CTTNBP2: variants seen among roughly 807,000 people sequenced by gnomAD.
CTTNBP2 encodes the protein cortactin binding protein 2.
CTTNBP2 carries 108 observed loss-of-function variants against 156.9 expected under a neutral mutation model. That is an observed-to-expected ratio of 0.69 (90% CI 0.59 to 0.81). The LOEUF is 0.81. Among genes scored for constraint, CTTNBP2 ranks in the 30% least tolerant of loss-of-function variants. CTTNBP2 has a pLI of 0.00. For synonymous variants in CTTNBP2, 767 were observed against 751.8 expected (o/e 1.02, Z -0.33); for missense variants, 1,924 against 2,035.4 (o/e 0.95, Z 1.05).
In CTTNBP2 at chr7:117,812,589, T is replaced by C. The variant is rs149787440; in HGVS notation, c.190-1600A>G. Among the ~76,000 whole-genome samples the C allele has an allele frequency of 9.2e-3, 1,399 of 152,270 alleles. 8 individuals carry two copies. The highest frequency in any genetic ancestry group is 0.015 in the Non-Finnish European group (1,009 of 68,020). ...GTTTCACAATTAAATTTAAGCTAGC[T>C]TTCAGAAGACCACTTTAAACTTAAA... On this transcript the variant is annotated intron_variant, in intron 2 of 22. Transcript: ENST00000160373.
At chr7:117,754,145 C>T (rs1027892431) in intron 12 of CTTNBP2, among the ~76,000 whole-genome samples, 1 of 152,178 alleles carries the variant, frequency 6.6e-6, no homozygotes, top group Non-Finnish European at 1.5e-5. Flanking sequence ...CACTGTCAAC[C>T]TAGACACATT....
intron 22 of CTTNBP2, among the ~76,000 whole-genome samples, chr7:117,712,781 A>AGAT: frequency 6.6e-6 from 1 of 152,248 alleles, no homozygotes; most frequent in Middle Eastern, 3.4e-3. Flanking sequence ...CTATTACCAG[A>AGAT]GATTCATATT....
intron 14 of CTTNBP2, among the ~76,000 whole-genome samples, chr7:117,736,593 G>A (rs1384171447): frequency 1.3e-5 from 2 of 152,130 alleles, no homozygotes; most frequent in Admixed American, 6.5e-5. Flanking sequence ...TTTCCCATTC[G>A]TTTCACTCAG....
rs930955059 is a variant in CTTNBP2, at chr7:117,861,132, A to T, written c.189+77T>A. The T allele has an allele frequency of 8.5e-6, 7 of 821,988 alleles. No individual in the cohort carries two copies. The Admixed American group carries it at 1.3e-4, about 16-fold the overall frequency. 50.9% of individuals were successfully genotyped at this position (821,988 alleles called of 1,614,324 possible). A position where few individuals can be genotyped will look rare whatever the true frequency, so the allele number is the denominator to read the frequency against. ...AAATCTATTTGATTCAAAAATTAAG[A>T]AAAAGAAGGTTTGCCAATGGCTCTT... On this transcript the variant is annotated intron_variant, in intron 2 of 22. Transcript: ENST00000160373.
chr7:117,864,804 C>CATATATATTCATTCTATATTT (rs1804043289), intron 1 of CTTNBP2, among the ~76,000 whole-genome samples: 1 of 130,066 alleles, frequency 7.7e-6, no homozygotes, highest in African/African-American at 2.9e-5. Context: ...ATTCTATATT[C>CATATATATTCATTCTATATTT]ATATATATTC....
rs1794036008 is a variant in CTTNBP2, at chr7:117,711,273, A to G, written c.*264T>C. The G allele has an allele frequency of 8.2e-6, 3 of 367,886 alleles. No homozygotes were observed. Among genetic ancestry groups the G allele is most frequent in the Admixed American group, 9.0e-5 (2 of 22,138 alleles). 22.8% of individuals were successfully genotyped at this position (367,886 alleles called of 1,614,324 possible). A position where few individuals can be genotyped will look rare whatever the true frequency, so the allele number is the denominator to read the frequency against. ...ACCCCTGAACATCTTGATTAAAACT[A>G]TTACAATTTTTCTATTATAAAACTA... On this transcript the variant is annotated 3_prime_UTR_variant, in exon 23 of 23. Coordinates refer to ENST00000160373, the MANE Select transcript of CTTNBP2 (RefSeq NM_033427.3).
chr7:117,744,013 T>C (rs1452075302), intron 14 of CTTNBP2, among the ~76,000 whole-genome samples: 2 of 152,076 alleles, frequency 1.3e-5, no homozygotes, highest in Admixed American at 1.3e-4. Flanking sequence ...CTTAATTTCA[T>C]TTCTTTTTTA....
chr7:117,860,492 G>A (rs111862914), intron 2 of CTTNBP2, among the ~76,000 whole-genome samples: 8 of 151,978 alleles, frequency 5.3e-5, no homozygotes, highest in South Asian at 2.1e-4. Context: ...ACACGCGCCC[G>A]CCACCATGCC....
At chr7:117,749,845 C>T (rs561476047) in intron 12 of CTTNBP2, among the ~76,000 whole-genome samples, 1 of 151,940 alleles carries the variant, frequency 6.6e-6, no homozygotes, top group Non-Finnish European at 1.5e-5. Flanking sequence ...CAGATTCTTG[C>T]CAAAGAGAGA....
intron 3 of CTTNBP2, among the ~76,000 whole-genome samples, chr7:117,795,689 A>C (rs1241852838): frequency 6.6e-6 from 1 of 152,204 alleles, no homozygotes; most frequent in Non-Finnish European, 1.5e-5. Context: ...AGTGGAGAGC[A>C]ATTCAGCTAA....
chr7:117,717,878 C>A, intron 22 of CTTNBP2, 140 bp downstream of exon 22: 1 of 552,872 alleles, frequency 1.8e-6, no homozygotes, highest in East Asian at 3.1e-5. Context: ...ACCTAATGAA[C>A]ACTTTTACCT....
intron 5 of CTTNBP2, 128 bp from the exon 6 acceptor site, chr7:117,783,089 CATCATGGCAGA>C: frequency 1.6e-6 from 1 of 613,112 alleles, no homozygotes; most frequent in Non-Finnish European, 2.8e-6. Context: ...CTCAGAATTC[CATCATGGCAGA>C]CCTGAGACTC....
Position 117,719,555 on chromosome 7 carries a change from G to A in CTTNBP2, c.4593C>T (p.Val1531=). Residue 1531 remains valine, a synonymous_variant, in exon 21 of 23, where the codon GTC becomes GTT. Coordinates refer to ENST00000160373, the MANE Select transcript of CTTNBP2 (RefSeq NM_033427.3). ...SLGSDDEADL[V]KELQSMCSSK... ...TGGAGCACATGCTCTGAAGTTCCTT[G>A]ACAAGATCTGCTTCGTCATCTGAAC... 1 of 1,613,948 alleles carries A rather than the reference G, an allele frequency of 6.2e-7. No individual in the cohort carries two copies. Among genetic ancestry groups the A allele is most frequent in the Non-Finnish European group, 8.5e-7 (1 of 1,179,906 alleles).
At chr7:117,801,929 T>C (rs1193610759) in intron 3 of CTTNBP2, among the ~76,000 whole-genome samples, 1 of 152,094 alleles carries the variant, frequency 6.6e-6, no homozygotes, top group Non-Finnish European at 1.5e-5. Flanking sequence ...TATTATACTT[T>C]AAGTTTTAGG....
At chr7:117,784,481 A>T in intron 4 of CTTNBP2, 27 bp from the exon 5 acceptor site, 1 of 1,516,172 alleles carries the variant, frequency 6.6e-7, no homozygotes, top group Non-Finnish European at 8.9e-7. Flanking sequence ...CCCTCGTTAG[A>T]GAGTAGGAGC....
intron 9 of CTTNBP2, among the ~76,000 whole-genome samples, chr7:117,766,068 A>T (rs756817184): frequency 6.6e-6 from 1 of 152,182 alleles, no homozygotes; most frequent in Non-Finnish European, 1.5e-5. Flanking sequence ...AGTGAAATAT[A>T]ATTAAATGAC....
At chr7:117,772,662 C>T (rs1797859031) in intron 8 of CTTNBP2, among the ~76,000 whole-genome samples, 1 of 152,108 alleles carries the variant, frequency 6.6e-6, no homozygotes, top group Admixed American at 6.5e-5. Flanking sequence ...CCCTGGTTAC[C>T]AAGGAAAGCA....
chr7:117,710,668 T>G lies in CTTNBP2; in HGVS notation c.*869A>C, dbSNP rs1794008920. On this transcript the variant is annotated 3_prime_UTR_variant, in exon 23 of 23. Coordinates refer to ENST00000160373, the MANE Select transcript of CTTNBP2 (RefSeq NM_033427.3). Reference sequence around the variant, plus strand: ...CAAAATGATTTCATGAAATCAATATTTTATTCAGTGTCAAAGCATCTTAAC... The same window carrying G: ...CAAAATGATTTCATGAAATCAATATGTTATTCAGTGTCAAAGCATCTTAAC... 6.6e-6 allele frequency: 1 copy of G among 152,612 alleles called. No individual in the cohort carries two copies. Among genetic ancestry groups the G allele is most frequent in the South Asian group, 2.1e-4 (1 of 4,830 alleles). The allele number at this position is 152,612 out of a possible 1,614,324, so 9.5% of individuals were successfully genotyped here. A position where few individuals can be genotyped will look rare whatever the true frequency, so the allele number is the denominator to read the frequency against.
intron 2 of CTTNBP2, among the ~76,000 whole-genome samples, chr7:117,858,197 T>C (rs545780437): frequency 1.4e-4 from 21 of 152,188 alleles, no homozygotes; most frequent in African/African-American, 2.9e-4. Context: ...AGTGAAACCC[T>C]GTCTCTACTA....
Sources: gnomAD v4.1 joint callset for allele counts (sites outside exome capture counted in the v4.1 genomes callset) on GRCh38, gnomAD v4.1.1 for gene constraint, MANE v1.5 for transcripts, NCBI Gene and HGNC (gene_info 2026-07-23, HGNC 2026-07-21) for gene names.